MARCHF10: variants seen among roughly 807,000 people sequenced by gnomAD.
MARCHF10 encodes the protein membrane associated ring-CH-type finger 10.
In MARCHF10, 64 loss-of-function variants were observed where a neutral mutation model predicts 76.2. The observed-to-expected ratio is 0.84, with a 90% CI of 0.69 to 1.03. The LOEUF is 1.03. Ranked by LOEUF, MARCHF10 falls within the 50% of genes least tolerant of loss-of-function variation. The probability of loss-of-function intolerance (pLI) is 0.00; values close to 1 mark genes in which losing one functional copy is unlikely to be tolerated. For missense variants in MARCHF10, 875 were observed against 958.0 expected, an observed-to-expected ratio of 0.91 and a Z score of 1.14; for synonymous variants, 340 against 357.5, an observed-to-expected ratio of 0.95 and a Z score of 0.55.
At chr17:62,735,154 C>T (rs2091206766) in intron 6 of MARCHF10, 1 of 152,174 alleles carries the variant, frequency 6.6e-6, no homozygotes, top group South Asian at 2.1e-4. Flanking sequence ...TGCTAATATA[C>T]ACAAAGAGGG....
intron 4 of MARCHF10, among the ~76,000 whole-genome samples, chr17:62,757,727 G>A (rs907741400): frequency 3.9e-5 from 6 of 152,228 alleles, no homozygotes; most frequent in Non-Finnish European, 8.8e-5. Context: ...TCTAGGGCCA[G>A]AACGCAGTGA....
intron 10 of MARCHF10, among the ~76,000 whole-genome samples, chr17:62,703,927 C>G (rs2147525726): frequency 1.3e-5 from 2 of 152,306 alleles, no homozygotes; most frequent in East Asian, 3.9e-4. Flanking sequence ...CTGCTCGGCG[C>G]GGCTCGCCCT....
chr17:62,701,622 G>A lies in MARCHF10; in HGVS notation c.*81C>T, dbSNP rs1410218013. ...TTGGTTTCAGTTTCAGTAAAGAGGA[G>A]GAGGGAGGGAGGCACTTGGGGACGT... On this transcript the variant is annotated 3_prime_UTR_variant, in exon 11 of 11. Coordinates refer to ENST00000311269, the MANE Select transcript of MARCHF10 (RefSeq NM_152598.4). 3.7e-6 allele frequency: 6 copies of A among 1,610,030 alleles called. No homozygotes were observed. Among genetic ancestry groups the A allele is most frequent in the South Asian group, 1.1e-5 (1 of 91,016 alleles).
At chr17:62,793,026 A>C (rs111064237) in intron 2 of MARCHF10, among the ~76,000 whole-genome samples, 69,976 of 137,046 alleles carry the variant, frequency 0.51, 18,661 homozygotes, top group East Asian at 0.69. Flanking sequence ...AACCATCACC[A>C]CCACCTCCAT....
At chr17:62,730,669 G>A (rs1271694536) in intron 6 of MARCHF10, among the ~76,000 whole-genome samples, 2 of 152,212 alleles carry the variant, frequency 1.3e-5, no homozygotes, top group African/African-American at 2.4e-5. Context: ...GCTGAGGCGG[G>A]TGGATCACAA....
chr17:62,796,901 G>C (rs2092994789), intron 2 of MARCHF10, among the ~76,000 whole-genome samples: 1 of 152,140 alleles, frequency 6.6e-6, no homozygotes, highest in African/African-American at 2.4e-5. Flanking sequence ...GCTGAGGTGG[G>C]AGGATAACTT....
intron 7 of MARCHF10, among the ~76,000 whole-genome samples, chr17:62,723,866 C>T (rs747482841): frequency 6.6e-6 from 1 of 152,096 alleles, no homozygotes; most frequent in African/African-American, 2.4e-5. Context: ...GCATCTTGAT[C>T]AGTGGACTTA....
chr17:62,733,257 G>A (rs921214294), intron 6 of MARCHF10, among the ~76,000 whole-genome samples: 4 of 152,020 alleles, frequency 2.6e-5, no homozygotes, highest in Non-Finnish European at 4.4e-5. Context: ...CCAAAAGTTT[G>A]AGACCAGCCT....
At chr17:62,715,706 A>G (rs1198007728) in intron 8 of MARCHF10, among the ~76,000 whole-genome samples, 2 of 152,210 alleles carry the variant, frequency 1.3e-5, no homozygotes, top group Non-Finnish European at 2.9e-5. Flanking sequence ...CTGGGGTCCC[A>G]CAGCTGCTCT....
chr17:62,708,438 G>T (rs1375765368), intron 9 of MARCHF10, among the ~76,000 whole-genome samples: 1 of 152,058 alleles, frequency 6.6e-6, no homozygotes, highest in Non-Finnish European at 1.5e-5. Flanking sequence ...TAGAGACAGG[G>T]TTTCACCGTG....
chr17:62,774,498 G>A (rs1435447262), intron 3 of MARCHF10, among the ~76,000 whole-genome samples: 2 of 152,164 alleles, frequency 1.3e-5, no homozygotes, highest in Non-Finnish European at 2.9e-5. Flanking sequence ...GGTGGGCAGT[G>A]GTCTGGAGCA....
chr17:62,754,090 C>T (rs867240227), intron 4 of MARCHF10, among the ~76,000 whole-genome samples: 7 of 151,942 alleles, frequency 4.6e-5, no homozygotes, highest in African/African-American at 1.2e-4. Context: ...TTGTTGTTGT[C>T]GAGACATGGT....
At chr17:62,705,047 G>A in intron 10 of MARCHF10, 4 of 1,003,960 alleles carry the variant, frequency 4.0e-6, no homozygotes, top group Non-Finnish European at 1.2e-6. Flanking sequence ...TTTCTTGGGA[G>A]ACCTGTTTGC....
In MARCHF10 at chr17:62,711,310, A is replaced by C; in HGVS notation, c.2249T>G (p.Leu750Arg). Residue 750 changes from leucine (L) to arginine (R), a missense_variant, in exon 9 of 11, where the codon CTG (leucine) becomes CGG (arginine). Leu to Arg is a moderately radical substitution (Grantham distance 102). Transcript: ENST00000311269. This position sits in a 1 kb window ranked among gnomAD's most constrained non-coding sequence, Gnocchi z 4.4. Reference sequence around the variant, plus strand: ...CTCATAGAGGTGAAGCAGCAGCACCAGGTACAAGCCTGAATTCATCAGCTC... The same window carrying C: ...CTCATAGAGGTGAAGCAGCAGCACCCGGTACAAGCCTGAATTCATCAGCTC... ...QNELMNSGLY[L>R]VLLLHLYEQR... is the part of the protein sequence containing the mutation. 1.2e-6 allele frequency: 2 copies of C among 1,614,184 alleles called. No homozygotes were observed. The highest frequency in any genetic ancestry group is 1.7e-6 in the Non-Finnish European group (2 of 1,180,012).
At chr17:62,726,308 A>G (rs187861911) in intron 6 of MARCHF10, among the ~76,000 whole-genome samples, 3 of 152,322 alleles carry the variant, frequency 2.0e-5, no homozygotes, top group Admixed American at 6.5e-5. Flanking sequence ...CTGGCTAGAG[A>G]CTAAAATCAA....
chr17:62,708,612 G>C (rs1422632492), intron 9 of MARCHF10, among the ~76,000 whole-genome samples: 1 of 152,152 alleles, frequency 6.6e-6, no homozygotes, highest in East Asian at 1.9e-4. Context: ...TAGGTACTAG[G>C]CATTTTCTAG....
At chr17:62,776,190 C>T (rs930997824) in intron 3 of MARCHF10, among the ~76,000 whole-genome samples, 2 of 152,100 alleles carry the variant, frequency 1.3e-5, no homozygotes, top group Admixed American at 1.3e-4. Flanking sequence ...AAACACATAG[C>T]GCTACTTACA....
intron 3 of MARCHF10, among the ~76,000 whole-genome samples, chr17:62,769,290 C>T (rs145830584): frequency 5.5e-4 from 83 of 152,266 alleles, no homozygotes; most frequent in Non-Finnish European, 1.0e-3. Flanking sequence ...GGTTCTTTGG[C>T]ACTGATTGAA....
intron 3 of MARCHF10, among the ~76,000 whole-genome samples, chr17:62,766,433 G>T (rs956018474): frequency 3.3e-5 from 5 of 152,054 alleles, no homozygotes; most frequent in African/African-American, 1.2e-4. Context: ...CTGGGAGGTG[G>T]AGGTTGCAGT....
Sources: gnomAD v4.1 joint callset for allele counts (sites outside exome capture counted in the v4.1 genomes callset) on GRCh38, gnomAD v4.1.1 for gene constraint, Gnocchi (gnomAD v3.1) non-coding constraint, MANE v1.5 for transcripts, NCBI Gene and HGNC (gene_info 2026-07-23, HGNC 2026-07-21) for gene names.